ADGRV1: variants seen among roughly 807,000 people sequenced by gnomAD.
The protein encoded by ADGRV1 is adhesion G protein-coupled receptor V1, also known as G-protein coupled receptor 98.
A neutral mutation model predicts 596.2 loss-of-function variants in ADGRV1; 359 were observed. The observed-to-expected ratio is 0.60, with a 90% CI of 0.55 to 0.66. The LOEUF (loss-of-function observed/expected upper bound fraction) is 0.66. Among genes scored for constraint, ADGRV1 ranks in the 30% least tolerant of loss-of-function variants. The probability of loss-of-function intolerance (pLI) is 0.00; values close to 1 mark genes in which losing one functional copy is unlikely to be tolerated. For missense variants in ADGRV1, 7,274 were observed against 7,575.6 expected (o/e 0.96, Z 1.48); for synonymous variants, 2,681 against 2,679.2 (o/e 1.00, Z -0.02).
intron 83 of ADGRV1, among the ~76,000 whole-genome samples, chr5:90,922,866 G>A (rs868048227): frequency 6.6e-6 from 1 of 152,164 alleles, no homozygotes; most frequent in African/African-American, 2.4e-5. Context: ...GGTTCTTGAT[G>A]CATGGTCTCC....
intron 87 of ADGRV1, among the ~76,000 whole-genome samples, chr5:91,121,152 C>T (rs1477340186): frequency 6.6e-6 from 1 of 151,886 alleles, no homozygotes; most frequent in African/African-American, 2.4e-5. Flanking sequence ...CTAGGCCGGG[C>T]AACAGAATAA....
intron 83 of ADGRV1, among the ~76,000 whole-genome samples, chr5:90,940,536 A>G (rs532551574): frequency 3.1e-4 from 47 of 152,346 alleles, no homozygotes; most frequent in African/African-American, 1.0e-3. Flanking sequence ...GGGTATAAAT[A>G]GGGTGGTGTT....
chr5:90,805,147 A>T, intron 71 of ADGRV1, 137 bp from the exon 72 acceptor site: 1 of 497,094 alleles, frequency 2.0e-6, no homozygotes, highest in Non-Finnish European at 3.3e-6. Flanking sequence ...GTTATTTCTT[A>T]AGCACTTCTC....
rs1761512553 is a variant in ADGRV1, at chr5:90,802,797, G to A, written c.14576G>A (p.Gly4859Asp). The A allele has an allele frequency of 6.2e-7, 1 of 1,612,998 alleles. No homozygotes were observed. The highest frequency in any genetic ancestry group is 2.2e-5 in the East Asian group (1 of 44,866). The change falls in exon 71 of 90, where the codon GGT (glycine) becomes GAT (aspartate). Residue 4859 changes from glycine (G) to aspartate (D), a missense_variant. By Grantham distance (94) the Gly-to-Asp change is moderately conservative. Transcript: ENST00000405460. ...CAACTGGTGACTGTGATGCTTGTCGGTGGACGTTTCTATGGAATGCCAACA... is the reference window on the plus strand; with the variant it reads ...CAACTGGTGACTGTGATGCTTGTCGATGGACGTTTCTATGGAATGCCAACA... The part of the protein sequence containing the change: ...TLQLVTVMLV[G>D]GRFYGMPTIL...
chr5:91,111,401 C>A (rs1367243775), intron 87 of ADGRV1, among the ~76,000 whole-genome samples: 2 of 152,096 alleles, frequency 1.3e-5, no homozygotes, highest in Non-Finnish European at 2.9e-5. Context: ...GAACGTATTT[C>A]TTTGCTCATA....
intron 83 of ADGRV1, among the ~76,000 whole-genome samples, chr5:90,932,973 A>G (rs544709282): frequency 1.4e-4 from 22 of 152,326 alleles, no homozygotes; most frequent in African/African-American, 5.1e-4. Flanking sequence ...GTATATAATT[A>G]TACGTATAAA....
intron 32 of ADGRV1, 135 bp downstream of exon 32, chr5:90,692,921 A>G: frequency 1.6e-6 from 1 of 628,360 alleles, no homozygotes; most frequent in Non-Finnish European, 2.6e-6. Context: ...GGTTATTTTA[A>G]TGTGTTAACT....
intron 85 of ADGRV1, among the ~76,000 whole-genome samples, chr5:91,000,495 T>C (rs1303303090): frequency 2.0e-5 from 3 of 152,154 alleles, no homozygotes; most frequent in African/African-American, 4.8e-5. Context: ...AAATTTACAA[T>C]CGTAACATTT....
rs760388849 is a variant in ADGRV1, at chr5:90,985,462, T to C, written c.18092T>C (p.Ile6031Thr). The change falls in exon 85 of 90, where the codon ATT becomes ACT. Residue 6031 changes from isoleucine (I) to threonine (T), a missense_variant. Physicochemically the swap from Ile to Thr is moderately conservative, Grantham distance 89. Transcript: ENST00000405460. The part of the protein sequence containing the change: ...PAFVVILLIV[I>T]LKGIYHQSMS... ...TTTGTGGTGATTCTCCTCATAGTTA[T>C]TTTGAAAGGAATCTATCATCAGAGC... 3.0e-5 allele frequency: 49 copies of C among 1,613,746 alleles called. No individual in the cohort carries two copies. The highest frequency in any genetic ancestry group is 2.5e-5 in the Non-Finnish European group (29 of 1,179,800).
intron 83 of ADGRV1, among the ~76,000 whole-genome samples, chr5:90,883,928 A>T (rs1770036207): frequency 6.6e-6 from 1 of 152,126 alleles, no homozygotes; most frequent in Admixed American, 6.6e-5. Context: ...CCTTGCATGT[A>T]GCCCTTAGTT....
chr5:90,558,952 C>G, intron 1 of ADGRV1, 35 bp downstream of exon 1: 2 of 1,543,792 alleles, frequency 1.3e-6, no homozygotes, highest in South Asian at 2.4e-5. Flanking sequence ...CTGCGAGCAT[C>G]GCTGAGCCCC....
chr5:90,973,565 G>T (rs181934766), intron 84 of ADGRV1, among the ~76,000 whole-genome samples: 1 of 152,228 alleles, frequency 6.6e-6, no homozygotes, highest in East Asian at 1.9e-4. Context: ...ATCAGTAAAC[G>T]TAATCCAGCA....
chr5:90,919,180 A>G (rs1032575188), intron 83 of ADGRV1, among the ~76,000 whole-genome samples: 6 of 152,240 alleles, frequency 3.9e-5, no homozygotes, highest in African/African-American at 1.4e-4. Context: ...AGAACCACAG[A>G]ATCGTAAAGG....
At chr5:90,820,587 A>C (rs1224705644) in intron 75 of ADGRV1, among the ~76,000 whole-genome samples, 1 of 151,594 alleles carries the variant, frequency 6.6e-6, no homozygotes, top group South Asian at 2.1e-4. Context: ...TGCTTGCTTC[A>C]GGAGCTCTTT....
chr5:90,889,809 A>C (rs1770638407), intron 83 of ADGRV1, among the ~76,000 whole-genome samples: 2 of 152,162 alleles, frequency 1.3e-5, no homozygotes, highest in Non-Finnish European at 2.9e-5. Context: ...CCTAAGTCAA[A>C]CAGATAAGCC....
intron 50 of ADGRV1, among the ~76,000 whole-genome samples, chr5:90,744,622 T>G (rs1221316176): frequency 6.6e-6 from 1 of 152,198 alleles, no homozygotes; most frequent in East Asian, 1.9e-4. Context: ...GAGTTTTTTG[T>G]ATTTATACTG....
At chr5:90,956,237 T>G (rs1348657688) in intron 83 of ADGRV1, among the ~76,000 whole-genome samples, 1 of 152,144 alleles carries the variant, frequency 6.6e-6, no homozygotes, top group Non-Finnish European at 1.5e-5. Context: ...GAAGTGACTG[T>G]AGAGTCTGAA....
intron 84 of ADGRV1, among the ~76,000 whole-genome samples, chr5:90,971,703 A>G (rs878952791): frequency 2.0e-5 from 3 of 152,226 alleles, no homozygotes; most frequent in Admixed American, 6.5e-5. Flanking sequence ...TGAAGGAAGC[A>G]CTAAACATGG....
intron 29 of ADGRV1, among the ~76,000 whole-genome samples, chr5:90,686,340 A>G (rs1745642346): frequency 6.6e-6 from 1 of 151,964 alleles, no homozygotes; most frequent in Non-Finnish European, 1.5e-5. Flanking sequence ...CATTAGGTAT[A>G]TCTCCTAAAG....
Sources: gnomAD v4.1 joint callset for allele counts (sites outside exome capture counted in the v4.1 genomes callset) on GRCh38, gnomAD v4.1.1 for gene constraint, MANE v1.5 for transcripts, NCBI Gene and HGNC (gene_info 2026-07-23, HGNC 2026-07-21) for gene names.